The following CELSR1 variants were observed in gnomAD, a reference collection of about 807,000 sequenced individuals.
The protein encoded by CELSR1 is cadherin EGF LAG seven-pass G-type receptor 1.
Under a neutral mutation model 249.1 loss-of-function variants are expected in CELSR1, and 110 were observed. The observed-to-expected ratio is 0.44, with a 90% confidence interval of 0.38 to 0.52. The LOEUF is 0.52. CELSR1 is among the 20% of genes least tolerant of loss of function. CELSR1 has a pLI of 0.00. For missense variants in CELSR1, 4,109 were observed against 4,296.4 expected (o/e 0.96, Z 1.22); for synonymous variants, 2,113 against 1,900.0 (o/e 1.11, Z -2.92).
Position 46,363,217 on chromosome 22 carries a change from GATGGTTCAAATTGAAGTTTCATTA to G in CELSR1, c.9042_*5del, listed in dbSNP as rs2078725477. ...TGGTTCAAATTGAAGTTTCATTACTGATGGTTCAAATTGAAGTTTCATTACTGCCTCTGCGCGTGGGAAGAAGCC... is the reference window on the plus strand; with the variant it reads ...TGGTTCAAATTGAAGTTTCATTACTGCTGCCTCTGCGCGTGGGAAGAAGCC... On this transcript the variant is annotated stop_lost and 3_prime_UTR_variant, in exon 35 of 35. Coordinates refer to ENST00000674500, the MANE Select transcript of CELSR1 (RefSeq NM_001378328.1). This position sits in a 1 kb window ranked among gnomAD's most constrained non-coding sequence, Gnocchi z 4.3. 3 of 1,613,032 alleles carry G rather than the reference GATGGTTCAAATTGAAGTTTCATTA, an allele frequency of 1.9e-6. No individual in the cohort carries two copies. The highest frequency in any genetic ancestry group is 2.7e-5 in the African/African-American group (2 of 74,478).
chr22:46,377,762 T>G (rs9615970), intron 23 of CELSR1: 10,753 of 175,242 alleles, frequency 0.061, 461 homozygotes, highest in Middle Eastern at 0.09. Flanking sequence ...GCGGGTCAGC[T>G]TCACCTGCAT....
At chr22:46,364,990 C>T (rs1005329230) in intron 32 of CELSR1, among the ~76,000 whole-genome samples, 1 of 152,338 alleles carries the variant, frequency 6.6e-6, no homozygotes, top group African/African-American at 2.4e-5. Flanking sequence ...CTGGACCTTG[C>T]GGTGACAGTC....
rs952537856 is a variant in CELSR1 at position 46,427,957 on chromosome 22, C to T, written c.4611+5436G>A. Among the ~76,000 whole-genome samples the T allele has an allele frequency of 1.3e-5, 2 of 152,070 alleles. No homozygotes were observed. Among genetic ancestry groups the T allele is most frequent in the East Asian group, 1.9e-4 (1 of 5,180 alleles). The stretch of plus-strand genomic sequence containing the variant: ...AGCTCCCCCGACCCCAGGGGTGCTC[C>T]GGGGGTACATCTCCCACTCTCCTTG... On this transcript the variant is annotated intron_variant, in intron 5 of 34. Coordinates refer to ENST00000674500, the MANE Select transcript of CELSR1 (RefSeq NM_001378328.1). This position sits in a 1 kb window ranked among gnomAD's most constrained non-coding sequence, Gnocchi z 4.2.
At chr22:46,523,885 C>T (rs967003827) in intron 1 of CELSR1, among the ~76,000 whole-genome samples, 1 of 152,190 alleles carries the variant, frequency 6.6e-6, no homozygotes, top group Non-Finnish European at 1.5e-5. Flanking sequence ...CCAGAGAAGG[C>T]TCCAAGGAGC....
chr22:46,420,284 A>G (rs544726824), intron 5 of CELSR1, among the ~76,000 whole-genome samples: 2 of 148,094 alleles, frequency 1.4e-5, no homozygotes, highest in Admixed American at 6.6e-5. Flanking sequence ...GCACTCATAT[A>G]TGCACACTCA....
intron 1 of CELSR1, among the ~76,000 whole-genome samples, chr22:46,496,465 G>A (rs1288749788): frequency 6.6e-6 from 1 of 152,126 alleles, no homozygotes; most frequent in Non-Finnish European, 1.5e-5. Flanking sequence ...CTACTCAGGA[G>A]GGTGAGGCAG....
chr22:46,534,588 G>A lies in CELSR1; in HGVS notation c.2583C>T (p.Thr861=). ...DYENQVAYTL[T]IMAQDNGIPQ... is the part of the protein sequence containing the mutation. Reference sequence around the variant, plus strand: ...GGATGCCGTTGTCCTGGGCCATGATGGTCAGCGTGTAGGCGACCTGGTTCT... The same window carrying A: ...GGATGCCGTTGTCCTGGGCCATGATAGTCAGCGTGTAGGCGACCTGGTTCT... The change falls in exon 1 of 35, where the codon ACC becomes ACT. Residue 861 remains threonine, a synonymous_variant. Transcript: ENST00000674500. This position sits in a 1 kb window ranked among gnomAD's most constrained non-coding sequence, Gnocchi z 9.7. The A allele has an allele frequency of 6.2e-7, 1 of 1,613,876 alleles. No homozygotes were observed. Among genetic ancestry groups the A allele is most frequent in the Non-Finnish European group, 8.5e-7 (1 of 1,180,038 alleles).
intron 2 of CELSR1, among the ~76,000 whole-genome samples, chr22:46,463,368 T>C (rs2147583031): frequency 6.6e-6 from 1 of 152,122 alleles, no homozygotes; most frequent in South Asian, 2.1e-4. Flanking sequence ...ATACAAAAAT[T>C]AGCTGGGCGT....
At position 46,390,415 on chromosome 22, in the gene CELSR1, A is replaced by T. The variant is rs754176468; in HGVS notation, c.6322T>A (p.Ser2108Thr). 9 of 1,613,516 alleles carry T rather than the reference A, an allele frequency of 5.6e-6. No individual in the cohort carries two copies. Among genetic ancestry groups the T allele is most frequent in the Admixed American group, 1.7e-5 (1 of 59,974 alleles). The change falls in exon 17 of 35, where the codon TCC (serine) becomes ACC (threonine). Residue 2108 changes from serine to threonine, a missense_variant. By Grantham distance (58) the Ser-to-Thr change is moderately conservative (BLOSUM62 1). Transcript: ENST00000674500. The surrounding 1 kb of genome is among the most constrained non-coding windows in gnomAD (Gnocchi z 6.3). ...PPELFNCTTI[S>T]FVDLRAMNEK... The stretch of plus-strand genomic sequence containing the variant: ...ACCATGGCCCTGAGGTCCACGAAGG[A>T]GATGGTGGTACAGTTAAAGAGCTCT...
At chr22:46,521,432 G>A (rs1212404367) in intron 1 of CELSR1, among the ~76,000 whole-genome samples, 1 of 151,968 alleles carries the variant, frequency 6.6e-6, no homozygotes, top group Non-Finnish European at 1.5e-5. Flanking sequence ...ATGAACCCGG[G>A]AGGCGGAGCT....
In CELSR1 at chr22:46,423,607, G is replaced by GAAA. The variant is rs140667892; in HGVS notation, c.4611+9783_4611+9785dup. Reference sequence around the variant, plus strand: ...GCAACAGGAGCGAAACTTCGTCTCAGAAAAAAAAAAAAAAAAAGACTCCAT... The same window carrying GAAA: ...GCAACAGGAGCGAAACTTCGTCTCAGAAAAAAAAAAAAAAAAAAAAGACTCCAT... On this transcript the variant is annotated intron_variant, in intron 5 of 34. Coordinates refer to ENST00000674500, the MANE Select transcript of CELSR1 (RefSeq NM_001378328.1). The surrounding 1 kb of genome is among the most constrained non-coding windows in gnomAD (Gnocchi z 5.6). Among the ~76,000 whole-genome samples the GAAA allele has an allele frequency of 0.012, 1,336 of 106,926 alleles. 20 individuals carry two copies. The highest frequency in any genetic ancestry group is 0.038 in the African/African-American group (1,195 of 31,696). 70.1% of individuals were successfully genotyped at this position (106,926 alleles called of 152,430 possible). A position where few individuals can be genotyped will look rare whatever the true frequency, so the allele number is the denominator to read the frequency against.
chr22:46,493,803 A>C (rs1213928713), intron 1 of CELSR1, among the ~76,000 whole-genome samples: 2 of 152,078 alleles, frequency 1.3e-5, no homozygotes, highest in African/African-American at 4.8e-5. Flanking sequence ...GTAAGATGTG[A>C]CTTTGATCCT....
chr22:46,425,863 G>T lies in CELSR1; in HGVS notation c.4611+7530C>A, dbSNP rs530126484. ...TCTAGGTTCTTGAAGCAGAAGCTCA[G>T]ATTATTGATTTGAAACATCCCCCTT... On this transcript the variant is annotated intron_variant, in intron 5 of 34. Transcript: ENST00000674500. 4.6e-5 allele frequency among the ~76,000 whole-genome samples: 7 copies of T among 152,268 alleles called. No homozygotes were observed. In the South Asian group the frequency reaches 1.5e-3, roughly 32 times the overall value.
chr22:46,458,820 G>A (rs528246572), intron 2 of CELSR1, among the ~76,000 whole-genome samples: 2 of 152,326 alleles, frequency 1.3e-5, no homozygotes, highest in African/African-American at 2.4e-5. Flanking sequence ...GGGAAAGGCC[G>A]AGTGAGAGCA....
intron 5 of CELSR1, among the ~76,000 whole-genome samples, chr22:46,416,440 G>A (rs1371627108): frequency 6.6e-6 from 1 of 151,750 alleles, no homozygotes; most frequent in African/African-American, 2.4e-5. Context: ...CTCGCTTCCA[G>A]GACATAAAGC....
intron 1 of CELSR1, among the ~76,000 whole-genome samples, chr22:46,521,151 C>A (rs923596859): frequency 6.6e-6 from 1 of 152,208 alleles, no homozygotes; most frequent in African/African-American, 2.4e-5. Flanking sequence ...GTTGCTTCCA[C>A]CTTTTGGTTA....
chr22:46,378,440 T>A, intron 23 of CELSR1, 151 bp downstream of exon 23: 1 of 781,232 alleles, frequency 1.3e-6, no homozygotes, highest in East Asian at 2.7e-5. Flanking sequence ...GCACTTAGAA[T>A]GGAAGATTTA....
In CELSR1 at chr22:46,534,770, C is replaced by T. The variant is rs764354216; in HGVS notation, c.2401G>A (p.Asp801Asn). The T allele has an allele frequency of 5.0e-6, 8 of 1,613,018 alleles. No individual in the cohort carries two copies. The African/African-American group carries it at 9.3e-5, about 19-fold the overall frequency. The change falls in exon 1 of 35, where the codon GAC becomes AAC. Residue 801 changes from aspartate to asparagine, a missense_variant. Physicochemically the swap from Asp to Asn is conservative, Grantham distance 23. Coordinates refer to ENST00000674500, the MANE Select transcript of CELSR1 (RefSeq NM_001378328.1). The surrounding 1 kb of genome is among the most constrained non-coding windows in gnomAD (Gnocchi z 9.7). ...SSHYTVSVSE[D>N]RPVGTSIATL... ...GCAATGGAGGTGCCCACAGGCCTGT[C>T]CTCACTGACACTCACTGTGTAATGG...
chr22:46,385,135 C>G (rs1295137314), intron 19 of CELSR1, among the ~76,000 whole-genome samples: 2 of 152,064 alleles, frequency 1.3e-5, no homozygotes, highest in Admixed American at 6.6e-5. Context: ...CACTCTATCA[C>G]CCAGGCTGGA....
Sources: gnomAD v4.1 joint callset for allele counts (sites outside exome capture counted in the v4.1 genomes callset) on GRCh38, gnomAD v4.1.1 for gene constraint, Gnocchi (gnomAD v3.1) non-coding constraint, MANE v1.5 for transcripts, NCBI Gene and HGNC (gene_info 2026-07-23, HGNC 2026-07-21) for gene names.